Variants in BRD1 observed in about 807,000 individuals in gnomAD.
The protein encoded by BRD1 is bromodomain containing 1.
In BRD1, 24 loss-of-function variants were observed where a neutral mutation model predicts 107.7. The observed-to-expected ratio is 0.22, with a 90% CI of 0.16 to 0.31. BRD1 has a LOEUF of 0.31. Among genes scored for constraint, BRD1 ranks in the 10% least tolerant of loss-of-function variants. BRD1 has a pLI of 1.00. For synonymous variants in BRD1, 744 were observed against 686.1 expected (o/e 1.08, Z -1.32); for missense variants, 1,279 against 1,638.6 (o/e 0.78, Z 3.79).
intron 12 of BRD1, chr22:49,775,336 G>A (rs1569078641): frequency 3.3e-6 from 1 of 302,692 alleles, no homozygotes; most frequent in Non-Finnish European, 6.0e-6. Flanking sequence ...CAGACCAATG[G>A]GGCTCAGGCG....
Position 49,776,125 on chromosome 22 carries a change from A to G in BRD1, c.3156T>C (p.Asp1052=). 1 of 1,605,996 alleles carries G rather than the reference A, an allele frequency of 6.2e-7. No homozygotes were observed. The highest frequency in any genetic ancestry group is 8.5e-7 in the Non-Finnish European group (1 of 1,179,660). Residue 1052 remains aspartate (D), a synonymous_variant, in exon 11 of 13, where the codon GAT becomes GAC. Coordinates refer to ENST00000404760, the MANE Select transcript of BRD1 (RefSeq NM_001304808.3). ...GAGGCTCCAGCACCGAGGCGGCGGC[A>G]TCAGTGGAGATCCACATGCTGCTCT... ...VGQSSMWIST[D]AAASVLEPLK...
At chr22:49,816,868 G>C (rs557957645) in intron 2 of BRD1, among the ~76,000 whole-genome samples, 1 of 152,226 alleles carries the variant, frequency 6.6e-6, no homozygotes, top group African/African-American at 2.4e-5. Context: ...TCTGGACTGC[G>C]GGGGCCAAGG....
intron 2 of BRD1, among the ~76,000 whole-genome samples, chr22:49,812,457 G>C (rs1383366096): frequency 6.6e-6 from 1 of 152,152 alleles, no homozygotes; most frequent in African/African-American, 2.4e-5. Flanking sequence ...TATAATCCCA[G>C]CTACTCAGGA....
chr22:49,774,242 G>T lies in BRD1; in HGVS notation c.3561C>A (p.Asp1187Glu). The T allele has an allele frequency of 6.2e-7, 1 of 1,613,510 alleles. No homozygotes were observed. The highest frequency in any genetic ancestry group is 8.5e-7 in the Non-Finnish European group (1 of 1,179,630). The change falls in exon 13 of 13, where the codon GAC (aspartate) becomes GAA (glutamate). Residue 1187 changes from aspartate (D) to glutamate (E), a missense_variant. Physicochemically the swap from Asp to Glu is conservative, Grantham distance 45. This residue lies in a region of BRD1 where 136 missense variants were observed against 196.8 expected (regional missense o/e 0.69). Coordinates refer to ENST00000404760, the MANE Select transcript of BRD1 (RefSeq NM_001304808.3). ...VHGEPTSDLS[D>E]ID ...GCTGGCGGCCGGGCCGTCAGTCAAT[G>T]TCACTGAGGTCGCTGGTCGGCTCCC...
chr22:49,814,438 A>G (rs2059912136), intron 2 of BRD1, among the ~76,000 whole-genome samples: 2 of 152,206 alleles, frequency 1.3e-5, no homozygotes, highest in Non-Finnish European at 2.9e-5. Context: ...TCCTGCACCA[A>G]GGCTGGGGCA....
At position 49,823,780 on chromosome 22, in the gene BRD1, C is replaced by A. The variant is rs111730431; in HGVS notation, c.538G>T (p.Ala180Ser). The A allele has an allele frequency of 1.2e-6, 2 of 1,614,012 alleles. No homozygotes were observed. The highest frequency in any genetic ancestry group is 1.7e-6 in the Non-Finnish European group (2 of 1,180,060). Reference protein sequence around the residue: ...NEKRKGDCVPAVSQSMFEFLM... With the variant: ...NEKRKGDCVPSVSQSMFEFLM... Reference sequence around the variant, plus strand: ...AACTCAAACATGCTCTGCGACACGGCGGGGACGCAGTCGCCCTTGCGCTTC... The same window carrying A: ...AACTCAAACATGCTCTGCGACACGGAGGGGACGCAGTCGCCCTTGCGCTTC... The change falls in exon 2 of 13, where the codon GCC becomes TCC. Residue 180 changes from alanine to serine, a missense_variant. By Grantham distance (99) the Ala-to-Ser change is moderately conservative. Around this residue, in one of 7 missense-constraint regions of BRD1, gnomAD observed 223 missense variants for 263.5 expected, o/e 0.85. Coordinates refer to ENST00000404760, the MANE Select transcript of BRD1 (RefSeq NM_001304808.3).
rs200901861 is a variant in BRD1, at chr22:49,777,803, G to A, written c.2868C>T (p.Asn956=). The change falls in exon 9 of 13, where the codon AAC becomes AAT. Residue 956 remains asparagine (N), a synonymous_variant. Transcript: ENST00000404760. ...PGKRLDAGLT[N]GFGGARSEQE... Reference sequence around the variant, plus strand: ...GCTCGCTCCTCGCACCCCCAAAGCCGTTGGTGAGACCTGGAACACAGGCGG... The same window carrying A: ...GCTCGCTCCTCGCACCCCCAAAGCCATTGGTGAGACCTGGAACACAGGCGG... The A allele has an allele frequency of 1.5e-4, 235 of 1,600,792 alleles. 2 individuals are homozygous for A. In the Middle Eastern group the frequency reaches 6.0e-3, roughly 41 times the overall value.
Position 49,787,567 on chromosome 22 carries a change from G to T in BRD1, c.2680C>A (p.Pro894Thr). ...GTTTCAGTGTTCTTGGCAGACTTTGGGGGGCTTACACTTTTCGATTTGCAG... is the reference window on the plus strand; with the variant it reads ...GTTTCAGTGTTCTTGGCAGACTTTGTGGGGCTTACACTTTTCGATTTGCAG... ...LFCKSKSVSP[P>T]KSAKNTETQP... is the part of the protein sequence containing the mutation. The change falls in exon 8 of 13, where the codon CCA becomes ACA. Residue 894 changes from proline (P) to threonine (T), a missense_variant. This residue lies in a region of BRD1 where 263 missense variants were observed against 251.6 expected (regional missense o/e 1.05). Coordinates refer to ENST00000404760, the MANE Select transcript of BRD1 (RefSeq NM_001304808.3). 6.3e-7 allele frequency: 1 copy of T among 1,583,844 alleles called. No individual in the cohort carries two copies. The highest frequency in any genetic ancestry group is 8.6e-7 in the Non-Finnish European group (1 of 1,164,248).
At chr22:49,813,254 G>A (rs545618000) in intron 2 of BRD1, among the ~76,000 whole-genome samples, 15 of 152,084 alleles carry the variant, frequency 9.9e-5, no homozygotes, top group African/African-American at 3.4e-4. Flanking sequence ...ATGGAGTCTC[G>A]CTCTGTCGCT....
chr22:49,821,588 C>G (rs932103891), intron 2 of BRD1, among the ~76,000 whole-genome samples: 4 of 148,390 alleles, frequency 2.7e-5, no homozygotes, highest in Admixed American at 6.6e-5. Context: ...GTAATATTAA[C>G]AAAAATCACT....
At chr22:49,822,562 T>C (rs144430620) in intron 2 of BRD1, among the ~76,000 whole-genome samples, 128 of 151,428 alleles carry the variant, frequency 8.5e-4, no homozygotes, top group African/African-American at 2.7e-3. Context: ...ATACAAAAAT[T>C]TGTCGGGCAT....
intron 2 of BRD1, among the ~76,000 whole-genome samples, chr22:49,817,924 C>T (rs2059985475): frequency 6.6e-6 from 1 of 152,196 alleles, no homozygotes; most frequent in Admixed American, 6.5e-5. Flanking sequence ...AATCCACCCA[C>T]CTCAGCCTTC....
intron 2 of BRD1, chr22:49,806,558 C>T (rs910031448): frequency 6.6e-6 from 1 of 152,220 alleles, no homozygotes; most frequent in African/African-American, 2.4e-5. Flanking sequence ...GATAAGAAAA[C>T]TAAGCAAAGA....
chr22:49,791,688 C>CGCT (rs2059437373), intron 7 of BRD1, among the ~76,000 whole-genome samples: 1 of 152,148 alleles, frequency 6.6e-6, no homozygotes, highest in Non-Finnish European at 1.5e-5. Context: ...ACTCGCCTCT[C>CGCT]CACAGACCCC....
At position 49,823,012 on chromosome 22, in the gene BRD1, C is replaced by T. The variant is rs760299852; in HGVS notation, c.1306G>A (p.Ala436Thr). 6.2e-7 allele frequency: 1 copy of T among 1,614,234 alleles called. No individual in the cohort carries two copies. The highest frequency in any genetic ancestry group is 8.5e-7 in the Non-Finnish European group (1 of 1,180,044). Residue 436 changes from alanine to threonine, a missense_variant, in exon 2 of 13, where the codon GCT (alanine) becomes ACT (threonine). By Grantham distance (58) the Ala-to-Thr change is moderately conservative. Coordinates refer to ENST00000404760, the MANE Select transcript of BRD1 (RefSeq NM_001304808.3). ...AGGACCGCGCAGGGCTCAGCCAGAG[C>T]TTTCTTAGCCTTTTTTGCCTTCTTC... is the stretch of plus-strand genomic sequence containing the variant. ...VRKKAKKAKK[A>T]LAEPCAVLPT...
chr22:49,775,922 C>A (rs1407796893), intron 11 of BRD1, 128 bp downstream of exon 11: 20 of 1,195,634 alleles, frequency 1.7e-5, no homozygotes, highest in Middle Eastern at 2.8e-4. Flanking sequence ...CCTCCTCTGA[C>A]CAACCCCGCC....
At chr22:49,789,655 G>A (rs533261284) in intron 7 of BRD1, among the ~76,000 whole-genome samples, 1 of 152,292 alleles carries the variant, frequency 6.6e-6, no homozygotes, top group Admixed American at 6.5e-5. Context: ...TCTCCTCCCA[G>A]CACCTCCGGG....
chr22:49,788,686 C>T (rs2059375326), intron 7 of BRD1, among the ~76,000 whole-genome samples: 1 of 152,210 alleles, frequency 6.6e-6, no homozygotes, highest in Non-Finnish European at 1.5e-5. Context: ...GCCGGACAGG[C>T]TCTGGCACGA....
At chr22:49,826,098 C>G (rs534787875) in intron 1 of BRD1, 2 of 905,210 alleles carry the variant, frequency 2.2e-6, no homozygotes, top group Admixed American at 1.2e-4. Flanking sequence ...GCACCCGGGA[C>G]GCCGACACGC....
Sources: gnomAD v4.1 joint callset for allele counts (sites outside exome capture counted in the v4.1 genomes callset) on GRCh38, gnomAD v4.1.1 for gene constraint, gnomAD v4.1.1 regional missense constraint, MANE v1.5 for transcripts, NCBI Gene and HGNC (gene_info 2026-07-23, HGNC 2026-07-21) for gene names.